The following PDGFD variants were observed in gnomAD, a reference collection of about 807,000 sequenced individuals.
PDGFD encodes the protein platelet derived growth factor D.
PDGFD carries 30 observed loss-of-function variants against 44.7 expected under a neutral mutation model. That is an observed-to-expected ratio of 0.67 (90% confidence interval 0.50 to 0.91). PDGFD has a LOEUF of 0.91. Ranked by LOEUF, PDGFD falls within the 40% of genes least tolerant of loss-of-function variation. PDGFD has a pLI of 0.00. For missense variants in PDGFD, 445 were observed against 457.8 expected (o/e 0.97, Z 0.25); for synonymous variants, 173 against 168.4 (o/e 1.03, Z -0.21).
At chr11:104,161,987 A>G (rs1159899922) in intron 1 of PDGFD, among the ~76,000 whole-genome samples, 2 of 150,344 alleles carry the variant, frequency 1.3e-5, no homozygotes, top group Non-Finnish European at 2.9e-5. Flanking sequence ...GTGTACTGTT[A>G]AAGTAACTGC....
At chr11:104,037,985 T>G (rs745370740) in intron 1 of PDGFD, 10 of 1,613,596 alleles carry the variant, frequency 6.2e-6, no homozygotes, top group Non-Finnish European at 8.5e-6. Context: ...ACACATTCAG[T>G]CATGGATTCA....
intron 3 of PDGFD, among the ~76,000 whole-genome samples, chr11:103,991,462 C>T (rs76305734): frequency 6.6e-6 from 1 of 152,080 alleles, no homozygotes; most frequent in South Asian, 2.1e-4. Flanking sequence ...CAGAGATATA[C>T]ACAGCTAAGC....
chr11:104,098,476 T>C (rs186253987), intron 1 of PDGFD, among the ~76,000 whole-genome samples: 1 of 151,078 alleles, frequency 6.6e-6, no homozygotes, highest in East Asian at 2.0e-4. Context: ...AAATCATATA[T>C]AGAGAGGGGA....
intron 1 of PDGFD, among the ~76,000 whole-genome samples, chr11:104,144,886 T>A (rs1862141355): frequency 6.6e-6 from 1 of 152,186 alleles, no homozygotes; most frequent in African/African-American, 2.4e-5. Flanking sequence ...AGCTAAAATT[T>A]AGTGAAATCA....
chr11:104,015,877 G>A (rs1420558526), intron 1 of PDGFD, among the ~76,000 whole-genome samples: 2 of 152,114 alleles, frequency 1.3e-5, no homozygotes, highest in African/African-American at 2.4e-5. Context: ...AAGAGCTCAC[G>A]TGGAAACAAC....
intron 4 of PDGFD, among the ~76,000 whole-genome samples, chr11:103,945,064 T>C (rs1767104231): frequency 6.6e-6 from 1 of 152,184 alleles, no homozygotes; most frequent in South Asian, 2.1e-4. Context: ...GTCCACTCTG[T>C]ATTCTGTTCA....
intron 1 of PDGFD, among the ~76,000 whole-genome samples, chr11:104,084,030 G>A (rs1358292153): frequency 6.6e-6 from 1 of 152,202 alleles, no homozygotes; most frequent in African/African-American, 2.4e-5. Context: ...TTGCCTGTGA[G>A]TTACCACGCA....
rs117367958 is a variant in PDGFD, at chr11:104,103,166, C to T, written c.124+60638G>A. Among the ~76,000 whole-genome samples, 4 of 152,170 alleles carry T rather than the reference C, an allele frequency of 2.6e-5. No individual in the cohort carries two copies. The East Asian group carries it at 7.7e-4, about 29-fold the overall frequency. ...TTAGTTTTCCCCATTTGTAAAGTGG[C>T]AATATTCATAATTTCCACCTCATAG... On this transcript the variant is annotated intron_variant, in intron 1 of 6. Coordinates refer to ENST00000393158, the MANE Select transcript of PDGFD (RefSeq NM_025208.5).
At chr11:104,037,263 C>A in intron 1 of PDGFD, 1 of 1,613,606 alleles carries the variant, frequency 6.2e-7, no homozygotes, top group Non-Finnish European at 8.5e-7. Flanking sequence ...CCCTGATCCG[C>A]AGCATGCTGC....
At chr11:104,081,091 A>G (rs755950812) in intron 1 of PDGFD, among the ~76,000 whole-genome samples, 1 of 152,238 alleles carries the variant, frequency 6.6e-6, no homozygotes, top group Non-Finnish European at 1.5e-5. Context: ...CCTGACCTAC[A>G]AAAACTAAGA....
At chr11:104,057,437 T>C (rs1362504609) in intron 1 of PDGFD, among the ~76,000 whole-genome samples, 1 of 151,870 alleles carries the variant, frequency 6.6e-6, no homozygotes, top group Non-Finnish European at 1.5e-5. Context: ...GAAAAACAAA[T>C]ACCACATGCC....
intron 3 of PDGFD, among the ~76,000 whole-genome samples, chr11:103,985,944 T>C (rs948393106): frequency 7.2e-5 from 11 of 152,278 alleles, no homozygotes; most frequent in South Asian, 4.1e-4. Flanking sequence ...TATTTATTCA[T>C]GTATCTCTCT....
intron 3 of PDGFD, among the ~76,000 whole-genome samples, chr11:103,954,755 T>C (rs189123715): frequency 6.6e-6 from 1 of 152,326 alleles, no homozygotes; most frequent in East Asian, 1.9e-4. Flanking sequence ...TCTGTGCTTC[T>C]TGATTGAGTT....
chr11:103,967,128 G>A (rs531150230), intron 3 of PDGFD, among the ~76,000 whole-genome samples: 2 of 152,282 alleles, frequency 1.3e-5, no homozygotes, highest in East Asian at 1.9e-4. Context: ...TTACATGTTC[G>A]TTAAAAGATA....
At chr11:103,934,577 C>T (rs1322939053) in intron 5 of PDGFD, among the ~76,000 whole-genome samples, 2 of 152,086 alleles carry the variant, frequency 1.3e-5, no homozygotes, top group Non-Finnish European at 2.9e-5. Context: ...TTATGCATTG[C>T]CTGGGAGGCC....
At chr11:103,931,758 G>A (rs1858402779) in intron 5 of PDGFD, among the ~76,000 whole-genome samples, 1 of 151,946 alleles carries the variant, frequency 6.6e-6, no homozygotes, top group African/African-American at 2.4e-5. Context: ...GCTAATTTTT[G>A]TATTTTCATT....
chr11:104,093,408 T>G (rs77705391), intron 1 of PDGFD, among the ~76,000 whole-genome samples: 1,955 of 152,200 alleles, frequency 0.013, 36 homozygotes, highest in African/African-American at 0.045. Flanking sequence ...GTTTTCAGAT[T>G]GAATACCTTG....
intron 1 of PDGFD, among the ~76,000 whole-genome samples, chr11:104,079,770 A>G (rs1224034820): frequency 2.7e-5 from 4 of 146,970 alleles, no homozygotes; most frequent in African/African-American, 1.0e-4. Context: ...GATACAGAAT[A>G]GGTGAAAAAT....
At chr11:103,995,490 G>C (rs915582439) in intron 3 of PDGFD, among the ~76,000 whole-genome samples, 9 of 152,082 alleles carry the variant, frequency 5.9e-5, no homozygotes, top group African/African-American at 1.2e-4. Flanking sequence ...TAGAGAAAAG[G>C]CTACAAATAA....
Sources: gnomAD v4.1 joint callset for allele counts (sites outside exome capture counted in the v4.1 genomes callset) on GRCh38, gnomAD v4.1.1 for gene constraint, MANE v1.5 for transcripts, NCBI Gene and HGNC (gene_info 2026-07-23, HGNC 2026-07-21) for gene names.